The following ITGA11 variants were observed in gnomAD, a reference collection of about 807,000 sequenced individuals.
ITGA11 encodes the protein integrin alpha-11.
In ITGA11, 97 loss-of-function variants were observed where a neutral mutation model predicts 141.9. The ratio of observed to expected loss-of-function variants is 0.68; its 90% CI spans 0.58 to 0.81. The LOEUF (loss-of-function observed/expected upper bound fraction) is 0.81, where lower values mean the gene tolerates loss of function less well. ITGA11 is among the 30% of genes least tolerant of loss of function. The pLI is 0.00. For missense variants in ITGA11, 1,387 were observed against 1,559.2 expected (o/e 0.89, Z 1.86); for synonymous variants, 658 against 624.6 (o/e 1.05, Z -0.80).
intron 7 of ITGA11, among the ~76,000 whole-genome samples, chr15:68,356,487 T>C (rs1487998976): frequency 6.6e-6 from 1 of 152,162 alleles, no homozygotes; most frequent in Non-Finnish European, 1.5e-5. Flanking sequence ...TTCCACTCCA[T>C]TGATGACTAA....
In ITGA11 at chr15:68,369,237, C is replaced by T; in HGVS notation, c.212G>A (p.Gly71Glu). Reference protein sequence around the residue: ...PLETNGYQKTGDVYKCPVIHG... With the variant: ...PLETNGYQKTEDVYKCPVIHG... Reference sequence around the variant, plus strand: ...GATCACTGGACACTTGTACACGTCTCCCGTCTTCTGGTAGCCATTGGTTTC... The same window carrying T: ...GATCACTGGACACTTGTACACGTCTTCCGTCTTCTGGTAGCCATTGGTTTC... The change falls in exon 3 of 30, where the codon GGA (glycine) becomes GAA (glutamate). Residue 71 changes from glycine (G) to glutamate (E), a missense_variant. Physicochemically the swap from Gly to Glu is moderately conservative, Grantham distance 98. Coordinates refer to ENST00000315757, the MANE Select transcript of ITGA11 (RefSeq NM_001004439.2). The T allele has an allele frequency of 6.2e-7, 1 of 1,613,966 alleles. No homozygotes were observed. The highest frequency in any genetic ancestry group is 8.5e-7 in the Non-Finnish European group (1 of 1,179,876).
At chr15:68,339,675 C>T (rs1894500739) in intron 10 of ITGA11, 31 bp from the exon 11 acceptor site, 1 of 1,611,826 alleles carries the variant, frequency 6.2e-7, no homozygotes, top group Non-Finnish European at 8.5e-7. Context: ...CACATCAGCA[C>T]CTGTCCTCAT....
At chr15:68,362,866 A>ATCCACC (rs1895291926) in intron 4 of ITGA11, among the ~76,000 whole-genome samples, 1 of 151,982 alleles carries the variant, frequency 6.6e-6, no homozygotes, top group Non-Finnish European at 1.5e-5. Flanking sequence ...TCCATGTATG[A>ATCCACC]ATGGGTGGAT....
At chr15:68,396,423 T>C (rs772691568) in intron 2 of ITGA11, among the ~76,000 whole-genome samples, 49 of 152,202 alleles carry the variant, frequency 3.2e-4, no homozygotes, top group South Asian at 1.7e-3. Flanking sequence ...ACTTCTTTAA[T>C]CTGGAGTTAT....
intron 1 of ITGA11, among the ~76,000 whole-genome samples, chr15:68,421,340 G>C (rs1897012634): frequency 6.6e-6 from 1 of 152,200 alleles, no homozygotes; most frequent in African/African-American, 2.4e-5. Context: ...GGGTGGAGCG[G>C]AGTGAGCCAG....
Position 68,311,293 on chromosome 15 carries a change from G to C in ITGA11, c.3084C>G (p.Asp1028Glu). The C allele has an allele frequency of 1.3e-6, 2 of 1,559,770 alleles. No individual in the cohort carries two copies. The highest frequency in any genetic ancestry group is 1.7e-6 in the Non-Finnish European group (2 of 1,149,122). Reference protein sequence around the residue: ...RLLKLRDFLTDEANTSCNIWG... With the variant: ...RLLKLRDFLTEEANTSCNIWG... ...CGGCTCCCAAGGCCATCACCACCTCGTCCGTGAGGAAGTCCCTCAGCTTCA... is the reference window on the plus strand; with the variant it reads ...CGGCTCCCAAGGCCATCACCACCTCCTCCGTGAGGAAGTCCCTCAGCTTCA... Residue 1028 changes from aspartate to glutamate, a missense_variant, in exon 25 of 30, where the codon GAC becomes GAG. Transcript: ENST00000315757.
intron 2 of ITGA11, among the ~76,000 whole-genome samples, chr15:68,391,426 C>G (rs771559168): frequency 2.6e-5 from 4 of 152,166 alleles, no homozygotes; most frequent in Non-Finnish European, 5.9e-5. Flanking sequence ...GTTCAACTGC[C>G]CTCTTCCATG....
In ITGA11 at chr15:68,307,126, T is replaced by A. The variant is rs1486816836; in HGVS notation, c.3381+222A>T. Reference sequence around the variant, plus strand: ...ATCCTTTGGTCTTCACAAATTCAGTTCACACCAGACCTCTGGACCTTCCCT... The same window carrying A: ...ATCCTTTGGTCTTCACAAATTCAGTACACACCAGACCTCTGGACCTTCCCT... On this transcript the variant is annotated intron_variant, in intron 28 of 29. Coordinates refer to ENST00000315757, the MANE Select transcript of ITGA11 (RefSeq NM_001004439.2). This position sits in a 1 kb window ranked among gnomAD's most constrained non-coding sequence, Gnocchi z 6.1. Among the ~76,000 whole-genome samples the A allele has an allele frequency of 1.3e-5, 2 of 152,336 alleles. No homozygotes were observed. Among genetic ancestry groups the A allele is most frequent in the African/African-American group, 4.8e-5 (2 of 41,574 alleles).
At chr15:68,405,854 G>A (rs1479527999) in intron 1 of ITGA11, among the ~76,000 whole-genome samples, 2 of 152,124 alleles carry the variant, frequency 1.3e-5, no homozygotes, top group African/African-American at 2.4e-5. Context: ...TCCCAGGAAT[G>A]AACACACACG....
intron 2 of ITGA11, among the ~76,000 whole-genome samples, chr15:68,371,578 CGTG>C (rs1485039336): frequency 8.6e-5 from 13 of 151,840 alleles, no homozygotes; most frequent in Admixed American, 8.5e-4. Context: ...AGTAGCTGGG[CGTG>C]GTGGTGGGCA....
At chr15:68,430,714 G>C (rs1897248872) in intron 1 of ITGA11, among the ~76,000 whole-genome samples, 1 of 152,156 alleles carries the variant, frequency 6.6e-6, no homozygotes, top group Admixed American at 6.5e-5. Flanking sequence ...ATATTGGCCT[G>C]GTGGCAGTTC....
At position 68,320,328 on chromosome 15, in the gene ITGA11, C is replaced by T. The variant is rs746905153; in HGVS notation, c.2473G>A (p.Asp825Asn). 11 of 1,613,172 alleles carry T rather than the reference C, an allele frequency of 6.8e-6. No individual in the cohort carries two copies. Among genetic ancestry groups the T allele is most frequent in the East Asian group, 2.2e-5 (1 of 44,882 alleles). The change falls in exon 20 of 30, where the codon GAC becomes AAC. Residue 825 changes from aspartate to asparagine, a missense_variant. Transcript: ENST00000315757. ...CTCTCTATGATGAAGACTGTGGTGT[C>T]GAAGGACAGCGTGTATGCGGAGCAG... is the stretch of plus-strand genomic sequence containing the variant. ...QDCSAYTLSF[D>N]TTVFIIESTR...
chr15:68,429,071 G>A (rs1391088486), intron 1 of ITGA11, among the ~76,000 whole-genome samples: 2 of 152,218 alleles, frequency 1.3e-5, no homozygotes, highest in Non-Finnish European at 2.9e-5. Flanking sequence ...TCAATATCTT[G>A]AGTGCTACTG....
chr15:68,431,225 C>T (rs1897262891), intron 1 of ITGA11, among the ~76,000 whole-genome samples: 1 of 152,364 alleles, frequency 6.6e-6, no homozygotes, highest in South Asian at 2.1e-4. Context: ...GCCCCTCGGG[C>T]CGGAGGTTCC....
At chr15:68,331,759 TG>T in intron 14 of ITGA11, 99 bp downstream of exon 14, 1 of 1,051,564 alleles carries the variant, frequency 9.5e-7, no homozygotes, top group Non-Finnish European at 1.4e-6. Flanking sequence ...TGAGAGGGCC[TG>T]GAAGAAAATC....
intron 5 of ITGA11, among the ~76,000 whole-genome samples, chr15:68,360,036 T>C (rs1895192838): frequency 6.6e-6 from 1 of 152,210 alleles, no homozygotes; most frequent in Non-Finnish European, 1.5e-5. Context: ...GCAGGCTTTG[T>C]GTTTAGTAGA....
intron 11 of ITGA11, among the ~76,000 whole-genome samples, chr15:68,336,716 G>T (rs951661419): frequency 6.6e-6 from 1 of 152,238 alleles, no homozygotes; most frequent in African/African-American, 2.4e-5. Context: ...GTTGGACTTT[G>T]TTGACAGTTC....
At chr15:68,426,188 C>T (rs181217699) in intron 1 of ITGA11, among the ~76,000 whole-genome samples, 1 of 152,340 alleles carries the variant, frequency 6.6e-6, no homozygotes, top group East Asian at 1.9e-4. Context: ...ATTCCTTGGG[C>T]TCAAGGCACA....
intron 22 of ITGA11, among the ~76,000 whole-genome samples, chr15:68,315,031 A>G (rs1267284378): frequency 6.6e-6 from 1 of 152,222 alleles, no homozygotes; most frequent in East Asian, 1.9e-4. Context: ...GGGTCAACAC[A>G]TAGCAAGCTA....
Sources: gnomAD v4.1 joint callset for allele counts (sites outside exome capture counted in the v4.1 genomes callset) on GRCh38, gnomAD v4.1.1 for gene constraint, Gnocchi (gnomAD v3.1) non-coding constraint, MANE v1.5 for transcripts, NCBI Gene and HGNC (gene_info 2026-07-23, HGNC 2026-07-21) for gene names.